DNAH9: variants seen among roughly 807,000 people sequenced by gnomAD.
The protein encoded by DNAH9 is DNAH9 variant protein.
Under a neutral mutation model 471.6 loss-of-function variants are expected in DNAH9, and 345 were observed. That is an observed-to-expected ratio of 0.73 (90% CI 0.67 to 0.80). DNAH9 has a LOEUF of 0.80. Ranked by LOEUF, DNAH9 falls within the 30% of genes least tolerant of loss-of-function variation. The pLI is 0.00. For synonymous variants in DNAH9, 2,093 were observed against 2,123.6 expected (o/e 0.99, Z 0.40); for missense variants, 5,407 against 5,609.2 (o/e 0.96, Z 1.15).
chr17:11,808,288 T>C (rs930657029), intron 44 of DNAH9, among the ~76,000 whole-genome samples: 11 of 152,358 alleles, frequency 7.2e-5, no homozygotes, highest in African/African-American at 2.2e-4. Context: ...CACTGGCCTC[T>C]GGGACCTTCA....
Position 11,744,975 on chromosome 17 carries a change from T to G in DNAH9, c.6290T>G (p.Leu2097Arg). The change falls in exon 31 of 69, where the codon CTC becomes CGC. Residue 2097 changes from leucine to arginine, a missense_variant. Physicochemically the swap from Leu to Arg is moderately radical, Grantham distance 102. Transcript: ENST00000262442. The stretch of plus-strand genomic sequence containing the variant: ...ATCTTCATGGGCCTGATCGGGGACC[T>G]CTTTCCCGCCCTGGATGTCCCCCGG... Reference protein sequence around the residue: ...MPIFMGLIGDLFPALDVPRRR... With the variant: ...MPIFMGLIGDRFPALDVPRRR... 1 of 1,614,174 alleles carries G rather than the reference T, an allele frequency of 6.2e-7. No individual in the cohort carries two copies. The highest frequency in any genetic ancestry group is 8.5e-7 in the Non-Finnish European group (1 of 1,180,016).
chr17:11,957,533 G>T (rs1975709610), intron 67 of DNAH9, among the ~76,000 whole-genome samples: 1 of 147,262 alleles, frequency 6.8e-6, no homozygotes, highest in Admixed American at 6.8e-5. Flanking sequence ...GAGTTTCTTG[G>T]ATTTTCTTTA....
At chr17:11,799,354 A>AATTTT (rs553238251) in intron 43 of DNAH9, among the ~76,000 whole-genome samples, 9 of 151,966 alleles carry the variant, frequency 5.9e-5, no homozygotes, top group South Asian at 2.1e-4. Flanking sequence ...CCTTTTTAAA[A>AATTTT]ATTTTATTTT....
At chr17:11,955,925 C>A (rs1311029846) in intron 67 of DNAH9, among the ~76,000 whole-genome samples, 1 of 152,212 alleles carries the variant, frequency 6.6e-6, no homozygotes, top group African/African-American at 2.4e-5. Context: ...TCATTGTAAA[C>A]CAAATTGTTT....
intron 50 of DNAH9, among the ~76,000 whole-genome samples, chr17:11,856,859 C>A (rs1328304018): frequency 6.6e-6 from 1 of 152,164 alleles, no homozygotes; most frequent in Non-Finnish European, 1.5e-5. Flanking sequence ...GACACCGTCA[C>A]ATCCCCATTC....
intron 36 of DNAH9, among the ~76,000 whole-genome samples, chr17:11,766,402 G>A (rs1195885520): frequency 1.3e-5 from 2 of 151,934 alleles, no homozygotes; most frequent in Non-Finnish European, 2.9e-5. Context: ...TTGTGAGACT[G>A]ACAACCTGGG....
At chr17:11,833,935 G>T (rs950042229) in intron 48 of DNAH9, among the ~76,000 whole-genome samples, 3 of 152,048 alleles carry the variant, frequency 2.0e-5, no homozygotes, top group African/African-American at 7.2e-5. Flanking sequence ...TCTTTATTAA[G>T]GGCCTACTAT....
At chr17:11,599,053 G>A in intron 1 of DNAH9, 138 bp downstream of exon 1, 1 of 719,294 alleles carries the variant, frequency 1.4e-6, no homozygotes, top group Non-Finnish European at 2.1e-6. Flanking sequence ...ATAGGCAGAG[G>A]GGCGAGGCTG....
intron 45 of DNAH9, among the ~76,000 whole-genome samples, chr17:11,821,403 C>T (rs527489406): frequency 6.6e-6 from 1 of 152,148 alleles, no homozygotes; most frequent in Admixed American, 6.5e-5. Flanking sequence ...AGGCGTCCTG[C>T]TTATCATGTA....
chr17:11,897,878 C>T (rs1472020499), intron 59 of DNAH9, among the ~76,000 whole-genome samples: 2 of 152,186 alleles, frequency 1.3e-5, no homozygotes, highest in Non-Finnish European at 2.9e-5. Context: ...CTTAAAACAA[C>T]AGAAATCTGT....
At chr17:11,933,490 C>G (rs1974588659) in intron 64 of DNAH9, among the ~76,000 whole-genome samples, 1 of 151,980 alleles carries the variant, frequency 6.6e-6, no homozygotes, top group African/African-American at 2.4e-5. Flanking sequence ...AAGAGATTCT[C>G]CTGTCTCAGC....
At chr17:11,810,759 A>G (rs1441636914) in intron 45 of DNAH9, among the ~76,000 whole-genome samples, 1 of 152,206 alleles carries the variant, frequency 6.6e-6, no homozygotes, top group Non-Finnish European at 1.5e-5. Flanking sequence ...AGGAAGATAC[A>G]CAAAAAGAGA....
chr17:11,760,446 G>C (rs997619709), intron 35 of DNAH9, among the ~76,000 whole-genome samples: 1 of 152,156 alleles, frequency 6.6e-6, no homozygotes, highest in African/African-American at 2.4e-5. Flanking sequence ...AGTCTATCCA[G>C]AGGCAACTCT....
At chr17:11,714,975 G>A (rs1418261759) in intron 26 of DNAH9, among the ~76,000 whole-genome samples, 2 of 152,172 alleles carry the variant, frequency 1.3e-5, no homozygotes, top group Admixed American at 1.3e-4. Flanking sequence ...AGCAGAGAAC[G>A]CACCTGGACT....
chr17:11,649,358 A>G (rs1474778761), intron 12 of DNAH9, among the ~76,000 whole-genome samples: 1 of 152,152 alleles, frequency 6.6e-6, no homozygotes, highest in African/African-American at 2.4e-5. Context: ...TTACATATTT[A>G]TATCTCTGAA....
At chr17:11,718,572 T>G (rs548128638) in intron 26 of DNAH9, among the ~76,000 whole-genome samples, 2 of 152,372 alleles carry the variant, frequency 1.3e-5, no homozygotes, top group Non-Finnish European at 2.9e-5. Flanking sequence ...TGAGTTTATT[T>G]TATTGTTACT....
chr17:11,620,813 G>A (rs1401965046), intron 6 of DNAH9, among the ~76,000 whole-genome samples: 2 of 152,106 alleles, frequency 1.3e-5, no homozygotes, highest in African/African-American at 4.8e-5. Flanking sequence ...AATCTCCAAG[G>A]CAGCTCCCCA....
In DNAH9 at chr17:11,933,875, C is replaced by T; in HGVS notation, c.12298-5C>T. 3.7e-6 allele frequency: 6 copies of T among 1,607,866 alleles called. No individual in the cohort carries two copies. The highest frequency in any genetic ancestry group is 4.3e-6 in the Non-Finnish European group (5 of 1,176,170). Reference sequence around the variant, plus strand: ...CTTCCTCTCTTTCTTTCCCCCATCACTCAGGTCCCCTATGATGATTTGCGC... The same window carrying T: ...CTTCCTCTCTTTCTTTCCCCCATCATTCAGGTCCCCTATGATGATTTGCGC... On this transcript the variant is annotated splice_region_variant and splice_polypyrimidine_tract_variant and intron_variant, in intron 64 of 68. Transcript: ENST00000262442.
At chr17:11,934,221 C>T in intron 65 of DNAH9, 150 bp downstream of exon 65, 2 of 781,910 alleles carry the variant, frequency 2.6e-6, no homozygotes, top group Admixed American at 5.8e-5. Flanking sequence ...GCTTAGACAG[C>T]TGAGCTCATG....
Sources: gnomAD v4.1 joint callset for allele counts (sites outside exome capture counted in the v4.1 genomes callset) on GRCh38, gnomAD v4.1.1 for gene constraint, MANE v1.5 for transcripts, NCBI Gene and HGNC (gene_info 2026-07-23, HGNC 2026-07-21) for gene names.